Variants in RFX7 observed in about 807,000 individuals in gnomAD.
The protein encoded by RFX7 is DNA-binding protein RFX7.
RFX7 carries 26 observed loss-of-function variants against 111.8 expected under a neutral mutation model. The observed-to-expected ratio is 0.23, with a 90% confidence interval of 0.17 to 0.32. RFX7 has a LOEUF of 0.32. Among genes scored for constraint, RFX7 ranks in the 10% least tolerant of loss-of-function variants. RFX7 has a pLI of 1.00. For synonymous variants in RFX7, 624 were observed against 624.4 expected (o/e 1.00, Z 0.01); for missense variants, 1,573 against 1,772.9 (o/e 0.89, Z 2.02).
chr15:56,101,090 G>GA (rs1271262367), intron 8 of RFX7, among the ~76,000 whole-genome samples: 2 of 151,998 alleles, frequency 1.3e-5, no homozygotes, highest in Admixed American at 6.6e-5. Context: ...AGTAGCAATG[G>GA]AAAAATTAAT....
chr15:56,138,693 G>A (rs557106913), intron 5 of RFX7, among the ~76,000 whole-genome samples: 1 of 152,144 alleles, frequency 6.6e-6, no homozygotes, highest in Non-Finnish European at 1.5e-5. Flanking sequence ...GTTAGTTGAT[G>A]CAGTTTCTTC....
At chr15:56,105,233 C>T (rs1319886705) in intron 5 of RFX7, among the ~76,000 whole-genome samples, 2 of 152,178 alleles carry the variant, frequency 1.3e-5, no homozygotes, top group Non-Finnish European at 2.9e-5. Flanking sequence ...AAAGCAACGT[C>T]CTCATGTCAC....
chr15:56,181,588 G>C (rs1387576560), intron 2 of RFX7, among the ~76,000 whole-genome samples: 1 of 151,998 alleles, frequency 6.6e-6, no homozygotes, highest in Non-Finnish European at 1.5e-5. Context: ...AAAAATTTCA[G>C]TCCCCCAGAT....
At position 56,096,446 on chromosome 15, in the gene RFX7, G is replaced by A; in HGVS notation, c.1282C>T (p.Arg428Cys). 1.9e-6 allele frequency: 3 copies of A among 1,613,202 alleles called. No individual in the cohort carries two copies. The highest frequency in any genetic ancestry group is 2.5e-6 in the Non-Finnish European group (3 of 1,179,548). The stretch of plus-strand genomic sequence containing the variant: ...GGTTTGGGTAAGATCTGAGGGTAAC[G>A]GTGCCGGGCAGAACGATCCCCACCA... ...SPGGDRSARH[R>C]YPQILPKPAN... The change falls in exon 10 of 10, where the codon CGT becomes TGT. Residue 428 changes from arginine (R) to cysteine (C), a missense_variant. By Grantham distance (180) the Arg-to-Cys change is radical (BLOSUM62 -3). Coordinates refer to ENST00000559447, the MANE Select transcript of RFX7 (RefSeq NM_022841.7).
chr15:56,161,023 C>T (rs1181929870), intron 3 of RFX7, among the ~76,000 whole-genome samples: 1 of 151,898 alleles, frequency 6.6e-6, no homozygotes, highest in Non-Finnish European at 1.5e-5. Context: ...TATTTATAAA[C>T]CTATTGAATT....
At chr15:56,119,910 C>T (rs1356929941) in intron 5 of RFX7, among the ~76,000 whole-genome samples, 2 of 151,986 alleles carry the variant, frequency 1.3e-5, no homozygotes, top group East Asian at 3.9e-4. Flanking sequence ...TTGGTTACTA[C>T]AGCTCTATAG....
chr15:56,112,908 A>G (rs1399684252), intron 5 of RFX7, among the ~76,000 whole-genome samples: 5 of 152,206 alleles, frequency 3.3e-5, no homozygotes, highest in Admixed American at 3.3e-4. Context: ...AAAAATCTCA[A>G]CTTCACTGAT....
At chr15:56,220,819 T>G (rs2043419210) in intron 2 of RFX7, among the ~76,000 whole-genome samples, 2 of 152,242 alleles carry the variant, frequency 1.3e-5, no homozygotes, top group Non-Finnish European at 2.9e-5. Context: ...AGGTTTTACA[T>G]GGAAGTTTTT....
At chr15:56,169,158 T>A (rs1284900198) in intron 3 of RFX7, among the ~76,000 whole-genome samples, 2 of 152,168 alleles carry the variant, frequency 1.3e-5, no homozygotes, top group Non-Finnish European at 2.9e-5. Context: ...GCTGGTAAAG[T>A]GAATAGCACC....
intron 3 of RFX7, among the ~76,000 whole-genome samples, chr15:56,161,583 G>A (rs1337916031): frequency 6.6e-6 from 1 of 151,932 alleles, no homozygotes; most frequent in Non-Finnish European, 1.5e-5. Flanking sequence ...AAGAAACTGA[G>A]TTCATAAATT....
chr15:56,116,512 A>C (rs1455077596), intron 5 of RFX7, among the ~76,000 whole-genome samples: 1 of 152,216 alleles, frequency 6.6e-6, no homozygotes, highest in Non-Finnish European at 1.5e-5. Flanking sequence ...AAACAGTATG[A>C]CATTCTTATA....
At chr15:56,238,840 A>C (rs7180561) in intron 2 of RFX7, among the ~76,000 whole-genome samples, 15,259 of 152,036 alleles carry the variant, frequency 0.1, 891 homozygotes, top group African/African-American at 0.13. Context: ...TATTATTTTT[A>C]GTTTTTTATT....
intron 2 of RFX7, among the ~76,000 whole-genome samples, chr15:56,208,587 G>T (rs370531622): frequency 6.6e-6 from 1 of 152,168 alleles, no homozygotes; most frequent in East Asian, 1.9e-4. Flanking sequence ...GTCCAATGTG[G>T]CAGGGATGTT....
At position 56,088,483 on chromosome 15, in the gene RFX7, A is replaced by G. The variant is rs1210709547; in HGVS notation, c.*4862T>C. ...TTATATGACTCTCTTCTCCTCTCCA[A>G]GAATTAAGTACTTCTTAAAAATCAA... On this transcript the variant is annotated 3_prime_UTR_variant, in exon 10 of 10. Transcript: ENST00000559447. The G allele has an allele frequency of 6.6e-6, 1 of 152,226 alleles. No homozygotes were observed. The highest frequency in any genetic ancestry group is 1.5e-5 in the Non-Finnish European group (1 of 68,028). The allele number at this position is 152,226 out of a possible 1,614,324, so 9.4% of individuals were successfully genotyped here.
At chr15:56,102,793 C>T (rs879538700) in intron 6 of RFX7, among the ~76,000 whole-genome samples, 7 of 152,132 alleles carry the variant, frequency 4.6e-5, no homozygotes, top group Non-Finnish European at 7.4e-5. Flanking sequence ...TAGAGAACAC[C>T]TGGAACCATT....
intron 2 of RFX7, among the ~76,000 whole-genome samples, chr15:56,223,287 T>G (rs778565201): frequency 5.9e-5 from 9 of 152,162 alleles, no homozygotes; most frequent in Non-Finnish European, 1.2e-4. Context: ...CTCTCTTCCT[T>G]CCAGCAGAAG....
At chr15:56,138,709 C>A (rs1484675914) in intron 5 of RFX7, among the ~76,000 whole-genome samples, 1 of 152,106 alleles carries the variant, frequency 6.6e-6, no homozygotes, top group East Asian at 1.9e-4. Context: ...TCTTCCTAGT[C>A]TTGATGGTCT....
intron 5 of RFX7, among the ~76,000 whole-genome samples, chr15:56,129,285 A>C (rs1362682335): frequency 6.6e-6 from 1 of 151,882 alleles, no homozygotes; most frequent in Non-Finnish European, 1.5e-5. Flanking sequence ...TGAGGCAGAA[A>C]TATCACTTGA....
intron 2 of RFX7, among the ~76,000 whole-genome samples, chr15:56,239,558 C>T (rs754341680): frequency 2.0e-5 from 3 of 152,092 alleles, no homozygotes; most frequent in South Asian, 2.1e-4. Flanking sequence ...TGAGCCACCG[C>T]GCCTGGCCTA....
Sources: allele counts gnomAD v4.1 joint callset (sites outside exome capture counted in the v4.1 genomes callset), GRCh38; gene constraint gnomAD v4.1.1; transcripts MANE v1.5; gene names NCBI Gene and HGNC (gene_info 2026-07-23, HGNC 2026-07-21).